Variants in PATJ observed in about 807,000 individuals in gnomAD.
PATJ encodes PATJ crumbs cell polarity complex component, also known as inaD-like protein.
In PATJ, 190 loss-of-function variants were observed where a neutral mutation model predicts 224.9. That is an observed-to-expected ratio of 0.84 (90% confidence interval 0.75 to 0.95). PATJ has a LOEUF of 0.95. Ranked by LOEUF, PATJ falls within the 40% of genes least tolerant of loss-of-function variation. The pLI is 0.00. For missense variants in PATJ, 2,121 were observed against 2,270.3 expected, an observed-to-expected ratio of 0.93 and a Z score of 1.34; for synonymous variants, 769 against 820.3, an observed-to-expected ratio of 0.94 and a Z score of 1.07.
chr1:61,897,129 T>C (rs1053900498), intron 22 of PATJ, among the ~76,000 whole-genome samples: 2 of 152,156 alleles, frequency 1.3e-5, no homozygotes, highest in African/African-American at 4.8e-5. Flanking sequence ...AAAAAAATTA[T>C]AGAGGAAATG....
intron 27 of PATJ, among the ~76,000 whole-genome samples, chr1:61,932,537 G>C (rs1009755096): frequency 1.3e-5 from 2 of 152,206 alleles, no homozygotes; most frequent in African/African-American, 2.4e-5. Flanking sequence ...GGAGGCTGGA[G>C]ACATGAAAAT....
chr1:62,112,221 G>A (rs9436218), intron 34 of PATJ, among the ~76,000 whole-genome samples: 151,749 of 152,228 alleles, frequency 1, 75,636 homozygotes, highest in Middle Eastern at 1. Flanking sequence ...AAAAAGCCTT[G>A]GGGGCCGGGT....
intron 43 of PATJ, among the ~76,000 whole-genome samples, 158 bp downstream of exon 43, chr1:62,153,639 G>A (rs1341500047): frequency 3.3e-5 from 5 of 152,128 alleles, no homozygotes; most frequent in Admixed American, 1.3e-4. Context: ...CAGGAATAGT[G>A]GGAGAAGAGT....
At chr1:61,819,795 T>C (rs913690302) in intron 14 of PATJ, among the ~76,000 whole-genome samples, 1 of 152,140 alleles carries the variant, frequency 6.6e-6, no homozygotes, top group Non-Finnish European at 1.5e-5. Flanking sequence ...GTAAGACTGT[T>C]TAATCACTTG....
rs1056513 is a variant in PATJ at position 61,914,626 on chromosome 1, G to C, written c.3532G>C (p.Gly1178Arg). The stretch of plus-strand genomic sequence containing the variant: ...ACATAACAAGGCCAACAAAATCACC[G>C]GTAACCAGAACCAGGACACCCAAGA... ...NVHNKANKIT[G>R]NQNQDTQEKK... is the part of the protein sequence containing the mutation. The change falls in exon 26 of 44, where the codon GGT becomes CGT. Residue 1178 changes from glycine to arginine, a missense_variant. Transcript: ENST00000642238. 1.9e-6 allele frequency: 3 copies of C among 1,574,994 alleles called. No homozygotes were observed. Among genetic ancestry groups the C allele is most frequent in the Middle Eastern group, 1.7e-4 (1 of 5,992 alleles).
intron 17 of PATJ, among the ~76,000 whole-genome samples, chr1:61,839,795 C>T (rs942682287): frequency 4.6e-5 from 7 of 152,010 alleles, no homozygotes; most frequent in African/African-American, 1.7e-4. Context: ...ACATCCTATT[C>T]CTCATTCCTC....
chr1:62,019,330 T>A (rs1014259095), intron 29 of PATJ, among the ~76,000 whole-genome samples: 2 of 150,402 alleles, frequency 1.3e-5, no homozygotes, highest in African/African-American at 4.9e-5. Context: ...GAGACCAGCC[T>A]GGCCAAGCCA....
intron 33 of PATJ, among the ~76,000 whole-genome samples, chr1:62,096,000 A>G (rs1338546521): frequency 6.6e-6 from 1 of 152,226 alleles, no homozygotes; most frequent in African/African-American, 2.4e-5. Flanking sequence ...AATGAAGCAC[A>G]TCCTCGTCTT....
chr1:62,090,165 G>A (rs1032580315), intron 33 of PATJ, among the ~76,000 whole-genome samples: 2 of 152,274 alleles, frequency 1.3e-5, no homozygotes, highest in Non-Finnish European at 2.9e-5. Context: ...TTAAAATGCC[G>A]AGGTAATGAT....
In PATJ at chr1:61,891,596, A is replaced by G. The variant is rs754399534; in HGVS notation, c.3131+7188A>G. Among the ~76,000 whole-genome samples, 175 of 152,184 alleles carry G rather than the reference A, an allele frequency of 1.1e-3. 3 individuals carry two copies. Among genetic ancestry groups the G allele is most frequent in the Admixed American group, 6.5e-4 (10 of 15,270 alleles). On this transcript the variant is annotated intron_variant, in intron 22 of 43. Coordinates refer to ENST00000642238, the MANE Select transcript of PATJ (RefSeq NM_001350145.3). ...CAGATGAAGGCGAATGTGAACAATT[A>G]GGACAAGAGGTACATAGAAATACTA...
intron 1 of PATJ, among the ~76,000 whole-genome samples, chr1:61,745,851 GC>G (rs1369163306): frequency 6.6e-6 from 1 of 151,882 alleles, no homozygotes; most frequent in Non-Finnish European, 1.5e-5. Flanking sequence ...CGATCCACCC[GC>G]CTTGGACTCC....
intron 16 of PATJ, among the ~76,000 whole-genome samples, chr1:61,828,013 G>A (rs912170611): frequency 1.2e-4 from 19 of 152,120 alleles, no homozygotes; most frequent in African/African-American, 3.9e-4. Flanking sequence ...TTGGGAGGCC[G>A]AGGTGGGTGG....
rs1049301313 is a variant in PATJ, at chr1:62,084,939, G to A, written c.4377+291G>A. ...TCAAGACCAGCCTGGGCAACGTGGC[G>A]AAACCCCATCTCTACAAAAAGTACA... On this transcript the variant is annotated intron_variant, in intron 33 of 43. Coordinates refer to ENST00000642238, the MANE Select transcript of PATJ (RefSeq NM_001350145.3). Among the ~76,000 whole-genome samples the A allele has an allele frequency of 3.9e-5, 6 of 151,938 alleles. No homozygotes were observed. In the South Asian group the frequency reaches 1.2e-3, roughly 32 times the overall value.
intron 27 of PATJ, among the ~76,000 whole-genome samples, chr1:61,964,992 G>A (rs1451065701): frequency 3.3e-5 from 5 of 151,094 alleles, no homozygotes; most frequent in African/African-American, 1.2e-4. Flanking sequence ...TGTGCCTGTA[G>A]CGCCAGCTGC....
intron 14 of PATJ, 107 bp downstream of exon 14, chr1:61,808,637 C>A (rs1016404862): frequency 1.5e-6 from 1 of 671,236 alleles, no homozygotes; most frequent in Non-Finnish European, 2.6e-6. Flanking sequence ...GTGATCCTCC[C>A]GTGTTTCCCT....
At chr1:61,835,514 G>A (rs1332106701) in intron 17 of PATJ, among the ~76,000 whole-genome samples, 1 of 151,950 alleles carries the variant, frequency 6.6e-6, no homozygotes, top group Non-Finnish European at 1.5e-5. Context: ...AGTGATTCTT[G>A]TGCCTCAGCC....
chr1:61,887,047 A>G (rs1668984391), intron 22 of PATJ, among the ~76,000 whole-genome samples: 2 of 151,696 alleles, frequency 1.3e-5, no homozygotes, highest in Admixed American at 1.3e-4. Context: ...GGGAAAATAT[A>G]TATATGTGTA....
At chr1:62,073,315 A>G (rs773657530) in intron 31 of PATJ, 30 of 985,144 alleles carry the variant, frequency 3.0e-5, no homozygotes, top group Non-Finnish European at 3.4e-5. Context: ...CCAACCCCCT[A>G]AACAGATGCT....
At chr1:61,883,859 G>A (rs552204417) in intron 21 of PATJ, among the ~76,000 whole-genome samples, 1 of 35,980 alleles carries the variant, frequency 2.8e-5, no homozygotes, top group African/African-American at 9.7e-5. Context: ...GTTATTCTGT[G>A]GAGGTTTTTT....
Sources: gnomAD v4.1 joint callset for allele counts (sites outside exome capture counted in the v4.1 genomes callset) on GRCh38, gnomAD v4.1.1 for gene constraint, MANE v1.5 for transcripts, NCBI Gene and HGNC (gene_info 2026-07-23, HGNC 2026-07-21) for gene names.